The following CRB2 variants were observed in gnomAD, a reference collection of about 807,000 sequenced individuals.
The protein encoded by CRB2 is crumbs cell polarity complex component 2.
In CRB2, 85 loss-of-function variants were observed where a neutral mutation model predicts 110.9. The observed-to-expected ratio is 0.77, with a 90% CI of 0.64 to 0.92. The LOEUF is 0.92. Among genes scored for constraint, CRB2 ranks in the 40% least tolerant of loss-of-function variants. The pLI is 0.00. For missense variants in CRB2, 1,843 were observed against 1,851.3 expected (o/e 1.00, Z 0.08); for synonymous variants, 907 against 831.0 (o/e 1.09, Z -1.57).
rs1412212610 is a variant in CRB2, at chr9:123,375,197, C to T, written c.3507-20C>T. 4 of 1,611,694 alleles carry T rather than the reference C, an allele frequency of 2.5e-6. No individual in the cohort carries two copies. In the African/African-American group the frequency reaches 5.3e-5, roughly 22 times the overall value. Reference sequence around the variant, plus strand: ...GCAGCCATGGGGGAAGCCGCTTTCTCAGCCCCCCTCCCTCTCCAGGTGTCA... The same window carrying T: ...GCAGCCATGGGGGAAGCCGCTTTCTTAGCCCCCCTCCCTCTCCAGGTGTCA... On this transcript the variant is annotated intron_variant, in intron 11 of 12. Transcript: ENST00000373631.
upstream of CRB2, among the ~76,000 whole-genome samples, chr9:123,354,428 G>A (rs1277132809): frequency 6.6e-6 from 1 of 152,246 alleles, no homozygotes; most frequent in African/African-American, 2.4e-5. Context: ...GTCTCTGGGG[G>A]ATCACTGAGA....
downstream of CRB2, chr9:123,380,117 A>C (rs1231465127): frequency 1.3e-5 from 2 of 152,144 alleles, no homozygotes; most frequent in African/African-American, 4.8e-5. Context: ...TGTCCCCCAG[A>C]CACCCCTGGG....
At chr9:123,360,123 G>C (rs1403130629) in intron 1 of CRB2, among the ~76,000 whole-genome samples, 1 of 152,202 alleles carries the variant, frequency 6.6e-6, no homozygotes, top group Non-Finnish European at 1.5e-5. Context: ...ACCTCTCTGA[G>C]TTACAAAAAC....
chr9:123,362,897 G>T lies in CRB2; in HGVS notation c.127G>T (p.Ala43Ser). The part of the protein sequence containing the change: ...TVPSEPPSAC[A>S]SDPCAPGTEC... ...GCCTTCAGAGCCCCCCAGTGCCTGT[G>T]CCTCAGACCCGTGCGCTCCAGGGAC... The change falls in exon 2 of 13, where the codon GCC becomes TCC. Residue 43 changes from alanine (A) to serine (S), a missense_variant. Ala to Ser is a moderately conservative substitution (Grantham distance 99, BLOSUM62 1). Transcript: ENST00000373631. 6.3e-7 allele frequency: 1 copy of T among 1,589,790 alleles called. No homozygotes were observed. The highest frequency in any genetic ancestry group is 1.1e-5 in the South Asian group (1 of 90,460).
chr9:123,377,135 TC>T lies in CRB2; in HGVS notation c.*75del. On this transcript the variant is annotated 3_prime_UTR_variant, in exon 13 of 13. Transcript: ENST00000373631. ...TACCTGGAGACCCAAGGAAGCTGCT[TC>T]CAGGGCTCGGGACATTGCTACGGAA... The T allele has an allele frequency of 7.4e-7, 1 of 1,344,464 alleles. No individual in the cohort carries two copies. Among genetic ancestry groups the T allele is most frequent in the Non-Finnish European group, 1.0e-6 (1 of 999,822 alleles). 83.3% of individuals were successfully genotyped at this position (1,344,464 alleles called of 1,614,324 possible).
rs779512365 is a variant in CRB2, at chr9:123,373,288, C to T, written c.2757C>T (p.Gly919=). The T allele has an allele frequency of 8.8e-6, 13 of 1,478,992 alleles. No individual in the cohort carries two copies. The South Asian group carries it at 9.0e-5, about 10-fold the overall frequency. The allele number at this position is 1,478,992 out of a possible 1,614,324, so 91.6% of individuals were successfully genotyped here. A position where few individuals can be genotyped will look rare whatever the true frequency, so the allele number is the denominator to read the frequency against. The part of the protein sequence containing the change: ...LLRAAAGALE[G]VWLAVRNGSL... ...GTGCCGCGGCGGGCGCCCTGGAAGG[C>T]GTGTGGCTGGCGGTGCGCAATGGCT... The change falls in exon 10 of 13, where the codon GGC becomes GGT. Residue 919 remains glycine, a synonymous_variant. Coordinates refer to ENST00000373631, the MANE Select transcript of CRB2 (RefSeq NM_173689.7).
chr9:123,356,909 G>C (rs1012154304), intron 1 of CRB2, among the ~76,000 whole-genome samples: 7 of 152,066 alleles, frequency 4.6e-5, no homozygotes, highest in Non-Finnish European at 1.5e-5. Context: ...GGTGTAGGTT[G>C]TCCAGGGTTG....
chr9:123,363,255 G>T, intron 2 of CRB2, 67 bp downstream of exon 2: 1 of 1,473,432 alleles, frequency 6.8e-7, no homozygotes, highest in Non-Finnish European at 9.1e-7. Context: ...CAGAGTGTAA[G>T]CATCATGGCT....
At chr9:123,372,890 C>G (rs551393308) in intron 9 of CRB2, among the ~76,000 whole-genome samples, 197 of 152,330 alleles carry the variant, frequency 1.3e-3, no homozygotes, top group African/African-American at 4.5e-3. Flanking sequence ...CCTGGAGGGT[C>G]GCCTAGGCAT....
In CRB2 at chr9:123,366,079, C is replaced by A. The variant is rs1467151694; in HGVS notation, c.581C>A (p.Ala194Glu). Reference protein sequence around the residue: ...DLDECQSQPCAHGGTCHDLVN... With the variant: ...DLDECQSQPCEHGGTCHDLVN... ...GACGAGTGCCAGAGCCAGCCGTGCG[C>A]ACATGGGGGCACGTGCCACGACCTG... Residue 194 changes from alanine (A) to glutamate (E), a missense_variant, in exon 3 of 13, where the codon GCA becomes GAA. Coordinates refer to ENST00000373631, the MANE Select transcript of CRB2 (RefSeq NM_173689.7). The A allele has an allele frequency of 6.5e-7, 1 of 1,546,512 alleles. No individual in the cohort carries two copies. Among genetic ancestry groups the A allele is most frequent in the Admixed American group, 1.9e-5 (1 of 53,526 alleles).
intron 11 of CRB2, 152 bp from the exon 12 acceptor site, chr9:123,375,065 C>G: frequency 1.7e-6 from 2 of 1,200,478 alleles, no homozygotes; most frequent in East Asian, 4.8e-5. Context: ...AGGTGGTCAC[C>G]TGGCAGGGCC....
intron 1 of CRB2, among the ~76,000 whole-genome samples, chr9:123,358,433 T>C (rs1199704462): frequency 4.6e-5 from 7 of 152,240 alleles, no homozygotes; most frequent in South Asian, 4.1e-4. Context: ...CGGCCCCTCC[T>C]CCAGCCAGAA....
At chr9:123,371,047 C>T in intron 7 of CRB2, 23 bp from the exon 8 acceptor site, 1 of 1,604,698 alleles carries the variant, frequency 6.2e-7, no homozygotes, top group East Asian at 2.2e-5. Context: ...AGGCCTCACA[C>T]CTGGCACCTT....
upstream of CRB2, chr9:123,356,052 G>A (rs940682959): frequency 7.1e-6 from 3 of 423,668 alleles, no homozygotes; most frequent in Non-Finnish European, 1.2e-5. Context: ...GGGGGCTTGA[G>A]GACTTGGGGC....
intron 11 of CRB2, 73 bp downstream of exon 11, chr9:123,374,768 G>A (rs2042078205): frequency 9.1e-7 from 1 of 1,104,464 alleles, no homozygotes; most frequent in Non-Finnish European, 1.3e-6. Context: ...CCAGGGTGGG[G>A]CGGGGGTCCT....
chr9:123,366,317 C>G lies in CRB2; in HGVS notation c.705C>G (p.Asn235Lys). 1 of 1,537,348 alleles carries G rather than the reference C, an allele frequency of 6.5e-7. No individual in the cohort carries two copies. The highest frequency in any genetic ancestry group is 1.2e-5 in the South Asian group (1 of 82,898). ...LECASAPCEHNASCLEGLGSF... is the reference protein window; with the variant it reads ...LECASAPCEHKASCLEGLGSF... ...GCGCATCGGCGCCCTGCGAGCACAA[C>G]GCGTCCTGCCTCGAGGGCCTCGGGA... The change falls in exon 4 of 13, where the codon AAC (asparagine) becomes AAG (lysine). Residue 235 changes from asparagine to lysine, a missense_variant. Transcript: ENST00000373631.
At chr9:123,354,316 C>A (rs1170656039), upstream of CRB2, among the ~76,000 whole-genome samples, 5 of 152,266 alleles carry the variant, frequency 3.3e-5, no homozygotes, top group Admixed American at 3.3e-4. Context: ...GTGACCTCCC[C>A]GCTCTGTGAA....
intron 3 of CRB2, 52 bp from the exon 4 acceptor site, chr9:123,366,175 C>T: frequency 7.3e-7 from 1 of 1,379,182 alleles, no homozygotes; most frequent in East Asian, 3.1e-5. Context: ...AGGCCAGGCG[C>T]GGGGCAGAAG....
At position 123,377,194 on chromosome 9, in the gene CRB2, C is replaced by A; in HGVS notation, c.*132C>A. 1 of 835,850 alleles carries A rather than the reference C, an allele frequency of 1.2e-6. No individual in the cohort carries two copies. Among genetic ancestry groups the A allele is most frequent in the Non-Finnish European group, 1.8e-6 (1 of 550,800 alleles). The allele number at this position is 835,850 out of a possible 1,614,324, so 51.8% of individuals were successfully genotyped here. A position where few individuals can be genotyped will look rare whatever the true frequency, so the allele number is the denominator to read the frequency against. On this transcript the variant is annotated 3_prime_UTR_variant, in exon 13 of 13. Coordinates refer to ENST00000373631, the MANE Select transcript of CRB2 (RefSeq NM_173689.7). ...CTTGGCTGGCAGCCTCTGCCTCTGCCTCTGCCCCATCCTGGATGGAGGACG... is the reference window on the plus strand; with the variant it reads ...CTTGGCTGGCAGCCTCTGCCTCTGCATCTGCCCCATCCTGGATGGAGGACG...
Sources: allele counts gnomAD v4.1 joint callset (sites outside exome capture counted in the v4.1 genomes callset), GRCh38; gene constraint gnomAD v4.1.1; transcripts MANE v1.5; gene names NCBI Gene and HGNC (gene_info 2026-07-23, HGNC 2026-07-21).